PAX8: variants seen among roughly 807,000 people sequenced by gnomAD.
PAX8 encodes the protein paired box protein Pax-8.
Under a neutral mutation model 52.4 loss-of-function variants are expected in PAX8, and 15 were observed. The observed-to-expected ratio is 0.29, with a 90% CI of 0.19 to 0.44. The LOEUF (loss-of-function observed/expected upper bound fraction) is 0.44, where lower values mean the gene tolerates loss of function less well. PAX8 is among the 20% of genes least tolerant of loss of function. The pLI is 1.00. For synonymous variants in PAX8, 284 were observed against 249.7 expected, an observed-to-expected ratio of 1.14 and a Z score of -1.29; for missense variants, 554 against 602.5, an observed-to-expected ratio of 0.92 and a Z score of 0.84.
At chr2:113,248,687 A>G (rs1347585504) in intron 2 of PAX8, among the ~76,000 whole-genome samples, 1 of 152,126 alleles carries the variant, frequency 6.6e-6, no homozygotes, top group African/African-American at 2.4e-5. Context: ...GGCCAGGTGC[A>G]GTGGCTGACA....
chr2:113,260,197 G>T (rs1212819884), intron 2 of PAX8, among the ~76,000 whole-genome samples: 15 of 152,150 alleles, frequency 9.9e-5, no homozygotes, highest in Non-Finnish European at 2.2e-4. Context: ...CAAGTTAATA[G>T]TCCCTGACAT....
chr2:113,226,965 A>G, intron 10 of PAX8, 190 bp downstream of exon 10: 3 of 1,502,882 alleles, frequency 2.0e-6, no homozygotes, highest in South Asian at 2.4e-5. Context: ...GGCAAGTTAA[A>G]TAGGGAGTCA....
rs766051649 is a variant in PAX8 at position 113,244,479 on chromosome 2, C to A, written c.337G>T (p.Ala113Ser). 6.2e-7 allele frequency: 1 copy of A among 1,614,138 alleles called. No individual in the cohort carries two copies. The highest frequency in any genetic ancestry group is 1.1e-5 in the South Asian group (1 of 91,084). ...FAWEIRDRLL[A>S]EGVCDNDTVP... ...GTGTCATTGTCACAGACGCCCTCAGCCAGGAGCCGGTCTCGGATCTCCCAG... is the reference window on the plus strand; with the variant it reads ...GTGTCATTGTCACAGACGCCCTCAGACAGGAGCCGGTCTCGGATCTCCCAG... The change falls in exon 4 of 12, where the codon GCT becomes TCT. Residue 113 changes from alanine to serine, a missense_variant. Ala to Ser is a moderately conservative substitution (Grantham distance 99, BLOSUM62 1). Coordinates refer to ENST00000429538, the MANE Select transcript of PAX8 (RefSeq NM_003466.4).
intron 2 of PAX8, among the ~76,000 whole-genome samples, chr2:113,248,612 G>A (rs1017113206): frequency 2.6e-5 from 4 of 152,174 alleles, no homozygotes; most frequent in Non-Finnish European, 1.5e-5. Context: ...GCCTTGCAAT[G>A]TCTCCTCAGG....
chr2:113,241,200 G>A, intron 7 of PAX8: 1 of 417,230 alleles, frequency 2.4e-6, no homozygotes, highest in South Asian at 2.1e-5. Context: ...TAGTGGCTGA[G>A]GTCATTATGT....
chr2:113,244,710 T>A, intron 3 of PAX8, 86 bp from the exon 4 acceptor site: 1 of 1,238,188 alleles, frequency 8.1e-7, no homozygotes, highest in Non-Finnish European at 1.2e-6. Flanking sequence ...CCCTCCTCTC[T>A]GAGGCTTCTG....
At chr2:113,273,205 A>G (rs1693582830) in intron 2 of PAX8, 2 of 152,228 alleles carry the variant, frequency 1.3e-5, no homozygotes, top group African/African-American at 2.4e-5. Context: ...CAACCCTAGC[A>G]AGCTCCTCGC....
intron 10 of PAX8, chr2:113,226,602 C>G (rs554749730): frequency 3.8e-6 from 4 of 1,054,458 alleles, no homozygotes; most frequent in Non-Finnish European, 4.6e-6. Context: ...ACCTAGAACC[C>G]GGGTCCTATC....
At chr2:113,264,316 T>C (rs1338908898) in intron 2 of PAX8, among the ~76,000 whole-genome samples, 2 of 152,236 alleles carry the variant, frequency 1.3e-5, no homozygotes, top group African/African-American at 4.8e-5. Context: ...GTGGGGCAGC[T>C]CCGGCCTGAA....
intron 10 of PAX8, 44 bp downstream of exon 10, chr2:113,227,111 C>T: frequency 6.5e-7 from 1 of 1,547,348 alleles, no homozygotes; most frequent in South Asian, 1.2e-5. Context: ...TGCTCCAATA[C>T]TTCCTCTTTG....
chr2:113,253,474 C>T (rs1485159403), intron 2 of PAX8, among the ~76,000 whole-genome samples: 2 of 152,220 alleles, frequency 1.3e-5, no homozygotes, highest in Non-Finnish European at 1.5e-5. Flanking sequence ...AGGGCCTGCC[C>T]CTTCCACTCA....
At chr2:113,220,748 G>T (rs1201585720) in intron 10 of PAX8, among the ~76,000 whole-genome samples, 2 of 152,128 alleles carry the variant, frequency 1.3e-5, no homozygotes. Flanking sequence ...AGGTGTGAGG[G>T]TTAAGGATGG....
intron 4 of PAX8, 31 bp downstream of exon 4, chr2:113,244,396 G>C: frequency 1.3e-6 from 2 of 1,580,178 alleles, no homozygotes; most frequent in South Asian, 1.1e-5. Context: ...AGGGGCCCCA[G>C]CCTGACACCA....
Position 113,244,438 on chromosome 2 carries a change from G to A in PAX8, c.378C>T (p.Ser126=), listed in dbSNP as rs1202180517. 1 of 1,612,574 alleles carries A rather than the reference G, an allele frequency of 6.2e-7. No individual in the cohort carries two copies. Among genetic ancestry groups the A allele is most frequent in the Non-Finnish European group, 8.5e-7 (1 of 1,178,654 alleles). The change falls in exon 4 of 12, where the codon AGC becomes AGT. Residue 126 remains serine (S), a synonymous_variant. Coordinates refer to ENST00000429538, the MANE Select transcript of PAX8 (RefSeq NM_003466.4). ...GCTTTCTCTCTTACCTATTAATGGA[G>A]CTGACACTGGGCACAGTGTCATTGT... is the stretch of plus-strand genomic sequence containing the variant. ...VCDNDTVPSV[S]SINRIIRTKV... is the part of the protein sequence containing the mutation.
At chr2:113,235,641 CGCACAAGCCAA>C in intron 8 of PAX8, 59 bp from the exon 9 acceptor site, 1 of 1,410,826 alleles carries the variant, frequency 7.1e-7, no homozygotes, top group Admixed American at 1.9e-5. Flanking sequence ...GGAGGGAACA[CGCACAAGCCAA>C]GCCGTGGGAT....
At chr2:113,265,206 A>G (rs1692969642) in intron 2 of PAX8, among the ~76,000 whole-genome samples, 1 of 152,230 alleles carries the variant, frequency 6.6e-6, no homozygotes, top group Non-Finnish European at 1.5e-5. Flanking sequence ...CAAAACCTGA[A>G]GACAACAGCG....
chr2:113,277,485 G>T (rs1039162162), intron 2 of PAX8, among the ~76,000 whole-genome samples: 1 of 152,178 alleles, frequency 6.6e-6, no homozygotes, highest in African/African-American at 2.4e-5. Flanking sequence ...TCACTTCGCC[G>T]GCCCAAATCG....
chr2:113,221,170 G>T (rs992628883), intron 10 of PAX8, among the ~76,000 whole-genome samples: 3 of 152,204 alleles, frequency 2.0e-5, no homozygotes, highest in Non-Finnish European at 4.4e-5. Context: ...AAATCACACT[G>T]TTGTTAAATG....
chr2:113,216,567 C>T lies in PAX8; in HGVS notation c.*1966G>A, dbSNP rs571285718. The stretch of plus-strand genomic sequence containing the variant: ...AGACAGCCCCCTGGAGTGCAGAGCC[C>T]GAGCTGTCACATTGCATTTCCCAGA... On this transcript the variant is annotated 3_prime_UTR_variant, in exon 12 of 12. Coordinates refer to ENST00000429538, the MANE Select transcript of PAX8 (RefSeq NM_003466.4). 3.5e-5 allele frequency: 8 copies of T among 229,966 alleles called. No homozygotes were observed. The highest frequency in any genetic ancestry group is 1.2e-4 in the East Asian group (2 of 16,170). The allele number at this position is 229,966 out of a possible 1,614,324, so 14.2% of individuals were successfully genotyped here. A position where few individuals can be genotyped will look rare whatever the true frequency, so the allele number is the denominator to read the frequency against.
Sources: gnomAD v4.1 joint callset for allele counts (sites outside exome capture counted in the v4.1 genomes callset) on GRCh38, gnomAD v4.1.1 for gene constraint, MANE v1.5 for transcripts, NCBI Gene and HGNC (gene_info 2026-07-23, HGNC 2026-07-21) for gene names.